ADAMTSL1: variants seen among roughly 807,000 people sequenced by gnomAD.
ADAMTSL1 encodes ADAMTS-like protein 1.
Under a neutral mutation model 201.8 loss-of-function variants are expected in ADAMTSL1, and 126 were observed. The observed-to-expected ratio is 0.62, with a 90% CI of 0.54 to 0.72. The LOEUF (loss-of-function observed/expected upper bound fraction) is 0.72. Ranked by LOEUF, ADAMTSL1 falls within the 30% of genes least tolerant of loss-of-function variation. The pLI is 0.00. For missense variants in ADAMTSL1, 2,679 were observed against 2,277.8 expected, an observed-to-expected ratio of 1.18 and a Z score of -3.59; for synonymous variants, 1,121 against 903.4, an observed-to-expected ratio of 1.24 and a Z score of -4.32.
intron 14 of ADAMTSL1, among the ~76,000 whole-genome samples, chr9:18,720,640 G>C (rs187245735): frequency 6.6e-6 from 1 of 151,994 alleles, no homozygotes; most frequent in African/African-American, 2.4e-5. Flanking sequence ...AAAATTAGCC[G>C]GCCATGGTGG....
At chr9:18,147,953 C>G (rs1184136747) in intron 1 of ADAMTSL1, among the ~76,000 whole-genome samples, 1 of 152,054 alleles carries the variant, frequency 6.6e-6, no homozygotes, top group Non-Finnish European at 1.5e-5. Context: ...CTGCCATTAT[C>G]TCTTCTACTA....
chr9:18,560,536 G>C (rs970906863), intron 3 of ADAMTSL1, among the ~76,000 whole-genome samples: 1 of 152,158 alleles, frequency 6.6e-6, no homozygotes, highest in Non-Finnish European at 1.5e-5. Flanking sequence ...AAATGAGTTA[G>C]GGAGGAGTCC....
intron 1 of ADAMTSL1, among the ~76,000 whole-genome samples, chr9:17,908,611 G>C (rs200213623): frequency 6.6e-6 from 1 of 151,934 alleles, no homozygotes; most frequent in Non-Finnish European, 1.5e-5. Context: ...CATTTGCCAC[G>C]ACGCCTGGCT....
chr9:18,890,722 C>G, intron 25 of ADAMTSL1: 1 of 305,118 alleles, frequency 3.3e-6, no homozygotes. Context: ...CTTTCTCAAA[C>G]CCCCCCCACC....
intron 2 of ADAMTSL1, among the ~76,000 whole-genome samples, chr9:18,304,553 T>C (rs947517145): frequency 2.0e-5 from 3 of 151,920 alleles, no homozygotes; most frequent in African/African-American, 7.3e-5. Flanking sequence ...AAAACATATA[T>C]AAGCGTGTTA....
chr9:18,626,222 A>C (rs980899498), intron 5 of ADAMTSL1, among the ~76,000 whole-genome samples: 2 of 152,220 alleles, frequency 1.3e-5, no homozygotes, highest in African/African-American at 4.8e-5. Flanking sequence ...CAAAACAGAC[A>C]AAATCCATTT....
At position 17,989,651 on chromosome 9, in the gene ADAMTSL1, G is replaced by T. The variant is rs376081857; in HGVS notation, c.87+82729G>T. 6.6e-5 allele frequency among the ~76,000 whole-genome samples: 10 copies of T among 151,942 alleles called. No homozygotes were observed. The East Asian group carries it at 1.4e-3, about 21-fold the overall frequency. ...ACTATTAATTGAGAATACTCCCTTTGCCTGGAACTTAACCAACAAGAGTAT... is the reference window on the plus strand; with the variant it reads ...ACTATTAATTGAGAATACTCCCTTTTCCTGGAACTTAACCAACAAGAGTAT... On this transcript the variant is annotated intron_variant, in intron 1 of 29. Transcript: ENST00000680146.
chr9:18,166,364 A>G (rs184351880), intron 2 of ADAMTSL1, among the ~76,000 whole-genome samples: 95 of 152,050 alleles, frequency 6.2e-4, no homozygotes, highest in African/African-American at 2.1e-3. Context: ...TTAACATTTT[A>G]TATTGAAAAC....
chr9:18,834,636 C>G (rs1308602884), intron 23 of ADAMTSL1, among the ~76,000 whole-genome samples: 2 of 152,116 alleles, frequency 1.3e-5, no homozygotes, highest in African/African-American at 2.4e-5. Context: ...ACCCCTACCC[C>G]CACCACTACT....
chr9:18,594,311 T>C (rs530256424), intron 4 of ADAMTSL1, among the ~76,000 whole-genome samples: 20 of 152,284 alleles, frequency 1.3e-4, no homozygotes, highest in African/African-American at 4.8e-4. Context: ...CCTTTGTGAA[T>C]TTAATTATAT....
At chr9:18,118,004 A>G (rs1449370367) in intron 1 of ADAMTSL1, among the ~76,000 whole-genome samples, 1 of 152,178 alleles carries the variant, frequency 6.6e-6, no homozygotes, top group Non-Finnish European at 1.5e-5. Context: ...CATTGTCCTA[A>G]ATATAGCATG....
At chr9:18,208,047 C>T (rs1587313712) in intron 2 of ADAMTSL1, among the ~76,000 whole-genome samples, 1 of 152,072 alleles carries the variant, frequency 6.6e-6, no homozygotes, top group African/African-American at 2.4e-5. Context: ...TGATGAACCA[C>T]TCAGAGTCTC....
intron 1 of ADAMTSL1, among the ~76,000 whole-genome samples, chr9:18,000,983 C>A (rs942521635): frequency 7.2e-5 from 11 of 151,924 alleles, no homozygotes; most frequent in African/African-American, 2.7e-4. Context: ...TAGGGGGAAC[C>A]TGGATTGACA....
At chr9:18,672,702 A>G (rs1164114678) in intron 9 of ADAMTSL1, among the ~76,000 whole-genome samples, 6 of 152,188 alleles carry the variant, frequency 3.9e-5, no homozygotes, top group African/African-American at 1.4e-4. Flanking sequence ...ATTAAAAATG[A>G]CTCAAAAACC....
At chr9:18,131,283 C>T (rs1048773230) in intron 1 of ADAMTSL1, among the ~76,000 whole-genome samples, 1 of 152,110 alleles carries the variant, frequency 6.6e-6, no homozygotes, top group Non-Finnish European at 1.5e-5. Context: ...TGGGGATTCT[C>T]TGAGAACAAG....
chr9:18,504,903 A>G lies in ADAMTSL1; in HGVS notation c.138A>G (p.Ser46=). ...WDAWGPWSEC[S]RTCGGGASYS... ...CCTGGGGCCCATGGAGTGAATGCTC[A>G]CGCACCTGCGGGGGTGGGGCCTCCT... Residue 46 remains serine, a synonymous_variant, in exon 2 of 29, where the codon TCA becomes TCG. Transcript: ENST00000380548. The G allele has an allele frequency of 6.2e-7, 1 of 1,613,120 alleles. No homozygotes were observed. Among genetic ancestry groups the G allele is most frequent in the Non-Finnish European group, 8.5e-7 (1 of 1,179,706 alleles).
chr9:18,311,702 G>T (rs977595024), intron 2 of ADAMTSL1, among the ~76,000 whole-genome samples: 2 of 152,168 alleles, frequency 1.3e-5, no homozygotes, highest in Admixed American at 1.3e-4. Context: ...GAGCCAGGGA[G>T]CCCTGAATGT....
At chr9:18,543,655 C>G (rs976814326) in intron 3 of ADAMTSL1, among the ~76,000 whole-genome samples, 14 of 152,228 alleles carry the variant, frequency 9.2e-5, no homozygotes, top group Admixed American at 2.6e-4. Context: ...AAAAAAAATC[C>G]TCATATTTTA....
Position 18,716,119 on chromosome 9 carries a change from A to G in ADAMTSL1, c.1877-5417A>G, listed in dbSNP as rs1352797675. On this transcript the variant is annotated intron_variant, in intron 14 of 28. Transcript: ENST00000380548. ...GATTAAAGACTTAAACGTTAGACCT[A>G]AAACCGTAAAAACCCTAGAGGAAAA... 6.6e-5 allele frequency among the ~76,000 whole-genome samples: 10 copies of G among 151,612 alleles called. No individual in the cohort carries two copies. In the East Asian group the frequency reaches 1.7e-3, roughly 26 times the overall value.
Sources: allele counts gnomAD v4.1 joint callset (sites outside exome capture counted in the v4.1 genomes callset), GRCh38; gene constraint gnomAD v4.1.1; transcripts MANE v1.5; gene names NCBI Gene and HGNC (gene_info 2026-07-23, HGNC 2026-07-21).